The following TENM4 variants were observed in gnomAD, a reference collection of about 807,000 sequenced individuals.
TENM4 encodes the protein teneurin-4.
TENM4 carries 82 observed loss-of-function variants against 243.3 expected under a neutral mutation model. That is an observed-to-expected ratio of 0.34 (90% confidence interval 0.28 to 0.40). The LOEUF is 0.40. TENM4 is among the 10% of genes least tolerant of loss of function. The pLI is 1.00. For missense variants in TENM4, 3,138 were observed against 3,673.3 expected, an observed-to-expected ratio of 0.85 and a Z score of 3.77; for synonymous variants, 1,412 against 1,456.3, an observed-to-expected ratio of 0.97 and a Z score of 0.69.
At chr11:78,896,042 C>G (rs1366628686) in intron 7 of TENM4, among the ~76,000 whole-genome samples, 1 of 152,182 alleles carries the variant, frequency 6.6e-6, no homozygotes, top group African/African-American at 2.4e-5. Context: ...GCAGGCTGAG[C>G]TCACCTCTCA....
At chr11:78,921,138 T>A (rs1856439214) in intron 6 of TENM4, among the ~76,000 whole-genome samples, 1 of 152,240 alleles carries the variant, frequency 6.6e-6, no homozygotes, top group Non-Finnish European at 1.5e-5. Flanking sequence ...CTCTCCATTG[T>A]CTACCATTGA....
At chr11:79,259,420 T>C (rs2135320399) in intron 2 of TENM4, among the ~76,000 whole-genome samples, 1 of 152,310 alleles carries the variant, frequency 6.6e-6, no homozygotes, top group South Asian at 2.1e-4. Context: ...AATTCCTTCC[T>C]TCCTAGAACA....
intron 6 of TENM4, among the ~76,000 whole-genome samples, chr11:78,932,875 G>A (rs964055546): frequency 1.3e-5 from 2 of 152,200 alleles, no homozygotes; most frequent in Non-Finnish European, 2.9e-5. Context: ...GAGCTCAGGT[G>A]GTAATGCCTC....
intron 17 of TENM4, among the ~76,000 whole-genome samples, chr11:78,774,324 A>T (rs1337007015): frequency 6.6e-6 from 1 of 152,206 alleles, no homozygotes; most frequent in Non-Finnish European, 1.5e-5. Flanking sequence ...CGTTTAGGTC[A>T]AAAGCTATGG....
rs1859306525 is a variant in TENM4, at chr11:78,708,362, T to G, written c.4208A>C (p.Gln1403Pro). Reference sequence around the variant, plus strand: ...CTTTGGTAGATGAAGCCATCTTACCTGGGAAATATCCATGACAGAATCACA... The same window carrying G: ...CTTTGGTAGATGAAGCCATCTTACCGGGGAAATATCCATGACAGAATCACA... ...LSCDSVMDIS[Q>P]VHLEWPTDLA... is the part of the protein sequence containing the mutation. Residue 1403 changes from glutamine to proline, a missense_variant and splice_region_variant, in exon 27 of 34, where the codon CAG becomes CCG. By Grantham distance (76) the Gln-to-Pro change is moderately conservative. Transcript: ENST00000278550. 2 of 1,613,978 alleles carry G rather than the reference T, an allele frequency of 1.2e-6. No homozygotes were observed. The highest frequency in any genetic ancestry group is 4.5e-5 in the East Asian group (2 of 44,888).
intron 6 of TENM4, among the ~76,000 whole-genome samples, chr11:79,053,415 A>G (rs1859852836): frequency 2.0e-5 from 3 of 152,250 alleles, no homozygotes; most frequent in Admixed American, 6.5e-5. Context: ...CTCCCTGCTT[A>G]AAATTTCCCT....
chr11:79,427,168 C>G (rs1057342507), intron 1 of TENM4, among the ~76,000 whole-genome samples: 3 of 152,170 alleles, frequency 2.0e-5, no homozygotes, highest in Non-Finnish European at 4.4e-5. Flanking sequence ...TACTACCAGA[C>G]TAGAGGGACC....
At chr11:78,930,151 T>C (rs982223465) in intron 6 of TENM4, among the ~76,000 whole-genome samples, 2 of 152,240 alleles carry the variant, frequency 1.3e-5, no homozygotes, top group African/African-American at 2.4e-5. Context: ...GGGCAGCTTA[T>C]AAAACTTTTG....
chr11:78,913,875 T>C (rs1403708312), intron 6 of TENM4, among the ~76,000 whole-genome samples: 1 of 152,056 alleles, frequency 6.6e-6, no homozygotes, highest in East Asian at 1.9e-4. Context: ...CCTGGCTTCC[T>C]TGGATGGTGA....
chr11:78,899,563 G>GT (rs967004451), intron 7 of TENM4, among the ~76,000 whole-genome samples: 7 of 136,208 alleles, frequency 5.1e-5, no homozygotes, highest in African/African-American at 1.1e-4. Context: ...AAAAAGCGGG[G>GT]GGGGGGGGAA....
intron 29 of TENM4, 78 bp from the exon 30 acceptor site, chr11:78,676,465 G>C: frequency 8.1e-7 from 1 of 1,231,474 alleles, no homozygotes; most frequent in South Asian, 1.9e-5. Context: ...AGGCGGTGGA[G>C]GGGACTTTAA....
chr11:78,712,762 T>C, intron 25 of TENM4, 48 bp from the exon 26 acceptor site: 2 of 1,555,014 alleles, frequency 1.3e-6, no homozygotes, highest in South Asian at 1.1e-5. Context: ...CTTCTTCCTA[T>C]GAGTAGCTGG....
At chr11:78,665,276 T>C (rs1019837028) in intron 32 of TENM4, among the ~76,000 whole-genome samples, 2 of 151,940 alleles carry the variant, frequency 1.3e-5, no homozygotes, top group African/African-American at 4.8e-5. Flanking sequence ...TTCCTCTGTC[T>C]CTTTCTTTCC....
rs183153581 is a variant in TENM4 at position 79,389,868 on chromosome 11, T to C, written c.-321+50641A>G. On this transcript the variant is annotated intron_variant, in intron 1 of 33. Transcript: ENST00000278550. ...CTCTCTTATTAGGTAAGTACTCACA[T>C]AGTAGACTCAATTTCACCCCTTGGA... is the stretch of plus-strand genomic sequence containing the variant. 2.0e-3 allele frequency among the ~76,000 whole-genome samples: 300 copies of C among 152,334 alleles called. 2 individuals are homozygous for C. Among genetic ancestry groups the C allele is most frequent in the Middle Eastern group, 3.4e-3 (1 of 294 alleles).
intron 1 of TENM4, among the ~76,000 whole-genome samples, chr11:79,311,717 G>A (rs765273566): frequency 3.3e-5 from 5 of 151,960 alleles, no homozygotes; most frequent in Non-Finnish European, 4.4e-5. Flanking sequence ...CACCACACAC[G>A]TCTGCTCACC....
intron 1 of TENM4, among the ~76,000 whole-genome samples, chr11:79,347,762 C>CT (rs528675032): frequency 0.017 from 1,588 of 94,744 alleles, 271 homozygotes; most frequent in East Asian, 0.04. Context: ...CTATCCTCTC[C>CT]TTTTTTTTTT....
At chr11:79,119,435 T>C (rs906923723) in intron 4 of TENM4, among the ~76,000 whole-genome samples, 5 of 152,052 alleles carry the variant, frequency 3.3e-5, no homozygotes, top group African/African-American at 9.7e-5. Context: ...GGTCATTGAT[T>C]TATAACTATC....
At position 78,732,536 on chromosome 11, in the gene TENM4, C is replaced by T. The variant is rs754421992; in HGVS notation, c.2918G>A (p.Arg973Gln). ...TGTGATGAAAGGTGCCCGCTCGAAC[C>T]GCAGGATGATGGAGATGCCGCCATT... is the stretch of plus-strand genomic sequence containing the variant. ...VTNGGISIIL[R>Q]FERAPFITQE... The change falls in exon 21 of 34, where the codon CGG becomes CAG. Residue 973 changes from arginine to glutamine, a missense_variant. Physicochemically the swap from Arg to Gln is conservative, Grantham distance 43 (BLOSUM62 1). Coordinates refer to ENST00000278550, the MANE Select transcript of TENM4 (RefSeq NM_001098816.3). 2.2e-5 allele frequency: 36 copies of T among 1,611,168 alleles called. No homozygotes were observed. Among genetic ancestry groups the T allele is most frequent in the Middle Eastern group, 3.3e-4 (2 of 6,046 alleles).
At chr11:78,741,812 A>G (rs1855937586) in intron 19 of TENM4, among the ~76,000 whole-genome samples, 1 of 152,184 alleles carries the variant, frequency 6.6e-6, no homozygotes, top group Admixed American at 6.5e-5. Flanking sequence ...GCAGTGGAAG[A>G]CTGCCTTAAC....
Sources: gnomAD v4.1 joint callset for allele counts (sites outside exome capture counted in the v4.1 genomes callset) on GRCh38, gnomAD v4.1.1 for gene constraint, MANE v1.5 for transcripts, NCBI Gene and HGNC (gene_info 2026-07-23, HGNC 2026-07-21) for gene names.